Variants in PSMA1 observed in about 807,000 individuals in gnomAD.
The protein encoded by PSMA1 is proteasome subunit alpha type-1.
A neutral mutation model predicts 38.4 loss-of-function variants in PSMA1; 3 were observed. The ratio of observed to expected loss-of-function variants is 0.08; its 90% CI spans 0.04 to 0.20. PSMA1 has a LOEUF of 0.20. PSMA1 is among the 10% of genes least tolerant of loss of function. The pLI is 1.00. For synonymous variants in PSMA1, 101 were observed against 107.1 expected, an observed-to-expected ratio of 0.94 and a Z score of 0.35; for missense variants, 227 against 325.3, an observed-to-expected ratio of 0.70 and a Z score of 2.32.
At chr11:14,548,985 G>A (rs1851857028) in intron 2 of PSMA1, among the ~76,000 whole-genome samples, 1 of 152,000 alleles carries the variant, frequency 6.6e-6, no homozygotes, top group Non-Finnish European at 1.5e-5. Flanking sequence ...GTCTCTATCA[G>A]TCTGAAATCT....
intron 2 of PSMA1, among the ~76,000 whole-genome samples, chr11:14,606,737 G>T (rs1202409053): frequency 6.6e-6 from 1 of 152,202 alleles, no homozygotes; most frequent in Non-Finnish European, 1.5e-5. Context: ...TAATCTTGTA[G>T]AAGTTGATAC....
At chr11:14,578,799 G>T (rs1357077577) in intron 2 of PSMA1, among the ~76,000 whole-genome samples, 1 of 152,168 alleles carries the variant, frequency 6.6e-6, no homozygotes, top group African/African-American at 2.4e-5. Context: ...TCTGATAGAG[G>T]CCCAGACATT....
chr11:14,572,778 AAAG>A (rs1369441853), intron 2 of PSMA1, among the ~76,000 whole-genome samples: 1 of 152,202 alleles, frequency 6.6e-6, no homozygotes, highest in African/African-American at 2.4e-5. Flanking sequence ...CAAGACTAAT[AAAG>A]AAGAAAAGAG....
intron 2 of PSMA1, among the ~76,000 whole-genome samples, chr11:14,552,993 CTT>C (rs1851903660): frequency 1.3e-5 from 2 of 151,708 alleles, no homozygotes; most frequent in South Asian, 4.2e-4. Context: ...ACCCAGCTAA[CTT>C]TTTACTTTTT....
intron 2 of PSMA1, among the ~76,000 whole-genome samples, chr11:14,569,138 G>C (rs569579955): frequency 6.6e-6 from 1 of 152,260 alleles, no homozygotes; most frequent in South Asian, 2.1e-4. Flanking sequence ...CAGAAAATTG[G>C]TTTTTCTTTT....
intron 7 of PSMA1, among the ~76,000 whole-genome samples, chr11:14,512,479 CTA>C (rs375224461): frequency 4.4e-4 from 67 of 152,198 alleles, no homozygotes; most frequent in African/African-American, 1.6e-3. Context: ...CCAAAATTAT[CTA>C]TAGATTTATT....
At chr11:14,587,165 T>C (rs919897563) in intron 2 of PSMA1, among the ~76,000 whole-genome samples, 5 of 152,216 alleles carry the variant, frequency 3.3e-5, no homozygotes, top group African/African-American at 1.2e-4. Context: ...CTTTCCCTGC[T>C]CTTCTCTGTT....
At chr11:14,621,649 A>C (rs950365026) in intron 1 of PSMA1, among the ~76,000 whole-genome samples, 1 of 152,114 alleles carries the variant, frequency 6.6e-6, no homozygotes, top group Non-Finnish European at 1.5e-5. Context: ...ACTAGCTATG[A>C]AAGTGTCTGT....
chr11:14,579,371 C>T (rs937874136), intron 2 of PSMA1, among the ~76,000 whole-genome samples: 11 of 152,010 alleles, frequency 7.2e-5, no homozygotes, highest in African/African-American at 1.7e-4. Context: ...ATGGCCTTTC[C>T]TCTTTGTCTT....
At chr11:14,547,548 G>A (rs1486850809) in intron 2 of PSMA1, among the ~76,000 whole-genome samples, 1 of 152,136 alleles carries the variant, frequency 6.6e-6, no homozygotes, top group East Asian at 1.9e-4. Context: ...GTAAAAAATG[G>A]ATAGGAACTG....
chr11:14,597,264 G>C (rs1002564891), intron 2 of PSMA1, among the ~76,000 whole-genome samples: 4 of 152,214 alleles, frequency 2.6e-5, no homozygotes, highest in African/African-American at 9.7e-5. Flanking sequence ...CTCATAAAAT[G>C]AATTAGGGAG....
At chr11:14,600,731 G>T (rs141213174) in intron 2 of PSMA1, among the ~76,000 whole-genome samples, 4 of 152,146 alleles carry the variant, frequency 2.6e-5, no homozygotes, top group African/African-American at 7.2e-5. Context: ...GTTTCTGCTC[G>T]CCCTCTGTGG....
At chr11:14,587,235 A>G (rs1306069647) in intron 2 of PSMA1, among the ~76,000 whole-genome samples, 2 of 152,118 alleles carry the variant, frequency 1.3e-5, no homozygotes, top group Admixed American at 6.5e-5. Context: ...AATGAGAGGC[A>G]CCACAGGAGG....
At chr11:14,567,937 A>T (rs959091503) in intron 2 of PSMA1, among the ~76,000 whole-genome samples, 1 of 152,210 alleles carries the variant, frequency 6.6e-6, no homozygotes, top group Middle Eastern at 3.2e-3. Flanking sequence ...ATAGCCCTGT[A>T]GGCTGTGAGT....
In PSMA1 at chr11:14,611,041, T is replaced by C; in HGVS notation, c.-55A>G. 2 of 1,571,966 alleles carry C rather than the reference T, an allele frequency of 1.3e-6. 1 individual carries two copies. The highest frequency in any genetic ancestry group is 2.2e-5 in the South Asian group (2 of 90,006). Reference sequence around the variant, plus strand: ...ACCAACATACAACATAGGTCTGGATTTGACTTGTCATTGTCTTTTCCCAGC... The same window carrying C: ...ACCAACATACAACATAGGTCTGGATCTGACTTGTCATTGTCTTTTCCCAGC... On this transcript the variant is annotated 5_prime_UTR_variant, in exon 2 of 11. Coordinates refer to the PSMA1 transcript ENST00000418988.
chr11:14,590,510 A>G (rs899453749), intron 2 of PSMA1, among the ~76,000 whole-genome samples: 2 of 152,220 alleles, frequency 1.3e-5, no homozygotes, highest in African/African-American at 4.8e-5. Flanking sequence ...GAAAAAGATG[A>G]GATGAGGAAT....
At chr11:14,518,092 T>A (rs763076118) in intron 2 of PSMA1, 111 bp from the exon 3 acceptor site, 14 of 815,690 alleles carry the variant, frequency 1.7e-5, no homozygotes, top group Middle Eastern at 3.6e-4. Context: ...GATTTTTTTT[T>A]TAATCAAGAG....
At chr11:14,569,901 G>T (rs1852117866) in intron 2 of PSMA1, among the ~76,000 whole-genome samples, 1 of 152,248 alleles carries the variant, frequency 6.6e-6, no homozygotes, top group Admixed American at 6.5e-5. Flanking sequence ...AGAACAGACA[G>T]ACTGCCTCCT....
chr11:14,537,561 C>A (rs1245504377), intron 2 of PSMA1, among the ~76,000 whole-genome samples: 1 of 131,104 alleles, frequency 7.6e-6, no homozygotes, highest in Non-Finnish European at 1.6e-5. Flanking sequence ...TTTTTTTTTT[C>A]AGTTTCACTA....
Sources: gnomAD v4.1 joint callset for allele counts (sites outside exome capture counted in the v4.1 genomes callset) on GRCh38, gnomAD v4.1.1 for gene constraint, MANE v1.5 for transcripts, NCBI Gene and HGNC (gene_info 2026-07-23, HGNC 2026-07-21) for gene names.